Variants in KCNN2 observed in about 807,000 individuals in gnomAD.
The protein encoded by KCNN2 is small conductance calcium-activated potassium channel protein 2.
A neutral mutation model predicts 55.5 loss-of-function variants in KCNN2; 24 were observed. The ratio of observed to expected loss-of-function variants is 0.43; its 90% CI spans 0.31 to 0.61. KCNN2 has a LOEUF of 0.61. Among genes scored for constraint, KCNN2 ranks in the 20% least tolerant of loss-of-function variants. The pLI is 0.08. For missense variants in KCNN2, 754 were observed against 853.6 expected (o/e 0.88, Z 1.45); for synonymous variants, 431 against 336.1 (o/e 1.28, Z -3.09).
chr5:114,223,471 A>G (rs950427974), intron 2 of KCNN2, among the ~76,000 whole-genome samples: 27 of 152,292 alleles, frequency 1.8e-4, no homozygotes, highest in African/African-American at 6.5e-4. Context: ...ATATATGATG[A>G]TCATTTTCAC....
chr5:114,117,827 C>T (rs893527134), intron 1 of KCNN2, among the ~76,000 whole-genome samples: 2 of 152,170 alleles, frequency 1.3e-5, no homozygotes, highest in Non-Finnish European at 2.9e-5. Context: ...CTCATTTAAT[C>T]CCTTGATCTT....
At chr5:114,298,397 C>T (rs914050942) in intron 2 of KCNN2, among the ~76,000 whole-genome samples, 4 of 152,192 alleles carry the variant, frequency 2.6e-5, no homozygotes, top group African/African-American at 9.7e-5. Flanking sequence ...TGGCACCTCC[C>T]GGCTCTTCTC....
intron 1 of KCNN2, among the ~76,000 whole-genome samples, chr5:114,201,067 G>A (rs1401311350): frequency 1.3e-5 from 2 of 151,934 alleles, no homozygotes; most frequent in Non-Finnish European, 2.9e-5. Context: ...TTAGGCTCCT[G>A]GACAGCTGAT....
chr5:114,341,944 C>A (rs562863333), intron 2 of KCNN2, among the ~76,000 whole-genome samples: 2 of 151,784 alleles, frequency 1.3e-5, no homozygotes, highest in East Asian at 3.9e-4. Flanking sequence ...CTCTGTCACC[C>A]AGGCTGTAGT....
chr5:114,493,528 C>T, intron 7 of KCNN2, 56 bp downstream of exon 7: 2 of 1,148,508 alleles, frequency 1.7e-6, no homozygotes, highest in African/African-American at 1.5e-5. Flanking sequence ...AACCACTTCA[C>T]AGTCACTAAT....
chr5:114,170,154 G>A (rs1298972527), intron 1 of KCNN2, among the ~76,000 whole-genome samples: 1 of 152,070 alleles, frequency 6.6e-6, no homozygotes, highest in African/African-American at 2.4e-5. Context: ...CTTAATAATT[G>A]TCAAAAATTT....
intron 1 of KCNN2, among the ~76,000 whole-genome samples, chr5:114,080,032 GA>G (rs1750775244): frequency 6.6e-6 from 1 of 151,986 alleles, no homozygotes; most frequent in South Asian, 2.1e-4. Context: ...TACCTATATG[GA>G]AGGACCTCTG....
chr5:114,391,636 A>G (rs570162638), intron 2 of KCNN2, among the ~76,000 whole-genome samples: 2 of 152,332 alleles, frequency 1.3e-5, no homozygotes, highest in South Asian at 2.1e-4. Context: ...TTAAATTTCA[A>G]TATTTGAGAT....
At chr5:114,305,209 G>T (rs7706180) in intron 2 of KCNN2, among the ~76,000 whole-genome samples, 25,236 of 152,174 alleles carry the variant, frequency 0.17, 3,588 homozygotes, top group East Asian at 0.81. Context: ...GCAAGGCTGG[G>T]ATTCAAATTC....
At chr5:114,465,585 C>G (rs1015935666) in intron 4 of KCNN2, among the ~76,000 whole-genome samples, 2 of 150,452 alleles carry the variant, frequency 1.3e-5, no homozygotes, top group Non-Finnish European at 2.9e-5. Flanking sequence ...GCACTCTAGC[C>G]TGGGCAACAA....
At chr5:114,058,953 G>C (rs1219161627) in intron 1 of KCNN2, among the ~76,000 whole-genome samples, 1 of 152,170 alleles carries the variant, frequency 6.6e-6, no homozygotes, top group Non-Finnish European at 1.5e-5. Flanking sequence ...GGGTCAAGTT[G>C]CTGAAATTCA....
chr5:114,426,033 T>A (rs1759613535), intron 3 of KCNN2, among the ~76,000 whole-genome samples: 1 of 148,278 alleles, frequency 6.7e-6, no homozygotes, highest in African/African-American at 2.5e-5. Flanking sequence ...AAAAAAAAAA[T>A]TAGCTGGGCA....
chr5:114,350,116 T>C (rs1238723513), intron 2 of KCNN2, among the ~76,000 whole-genome samples: 1 of 152,000 alleles, frequency 6.6e-6, no homozygotes, highest in African/African-American at 2.4e-5. Flanking sequence ...TTTTTTAAAT[T>C]ATTTTTATTT....
chr5:114,388,577 A>C (rs1758354854), intron 2 of KCNN2, among the ~76,000 whole-genome samples: 1 of 152,128 alleles, frequency 6.6e-6, no homozygotes, highest in Non-Finnish European at 1.5e-5. Flanking sequence ...ATTTGTGTTT[A>C]GACTTACTAG....
At chr5:114,397,534 G>A (rs556796570) in intron 2 of KCNN2, among the ~76,000 whole-genome samples, 10 of 152,150 alleles carry the variant, frequency 6.6e-5, no homozygotes, top group African/African-American at 1.9e-4. Context: ...TTACAAGCAC[G>A]CAACACAATG....
intron 2 of KCNN2, among the ~76,000 whole-genome samples, chr5:114,246,030 G>A (rs1447596997): frequency 1.3e-5 from 2 of 152,176 alleles, no homozygotes; most frequent in Non-Finnish European, 2.9e-5. Context: ...TTTTCTTGGA[G>A]GATCAGGGTG....
At chr5:114,156,471 G>A (rs1752638075) in intron 1 of KCNN2, among the ~76,000 whole-genome samples, 1 of 152,124 alleles carries the variant, frequency 6.6e-6, no homozygotes, top group South Asian at 2.1e-4. Flanking sequence ...ACTGCTTTGG[G>A]AAATGTGACC....
intron 2 of KCNN2, among the ~76,000 whole-genome samples, chr5:114,301,554 C>T (rs1359049639): frequency 6.6e-6 from 1 of 152,118 alleles, no homozygotes; most frequent in East Asian, 1.9e-4. Flanking sequence ...CCCTGGTAGT[C>T]ACCTTTCCAG....
intron 3 of KCNN2, among the ~76,000 whole-genome samples, chr5:114,433,211 T>C (rs1453317869): frequency 1.3e-5 from 2 of 152,142 alleles, no homozygotes; most frequent in Non-Finnish European, 2.9e-5. Context: ...CCAATTGGCA[T>C]TCTGTATCTA....
Sources: allele counts gnomAD v4.1 joint callset (sites outside exome capture counted in the v4.1 genomes callset), GRCh38; gene constraint gnomAD v4.1.1; transcripts MANE v1.5; gene names NCBI Gene and HGNC (gene_info 2026-07-23, HGNC 2026-07-21).